The following BRINP3 variants were observed in gnomAD, a reference collection of about 807,000 sequenced individuals.
BRINP3 encodes BMP/retinoic acid inducible neural specific 3, also known as BMP/retinoic acid-inducible neural-specific protein 3.
In BRINP3, 19 loss-of-function variants were observed where a neutral mutation model predicts 71.0. That is an observed-to-expected ratio of 0.27 (90% confidence interval 0.19 to 0.39). The LOEUF is 0.39. Ranked by LOEUF, BRINP3 falls within the 10% of genes least tolerant of loss-of-function variation. The pLI, the probability that BRINP3 is intolerant of heterozygous loss-of-function variation, is 1.00. For synonymous variants in BRINP3, 380 were observed against 337.7 expected, an observed-to-expected ratio of 1.13 and a Z score of -1.37; for missense variants, 959 against 940.8, an observed-to-expected ratio of 1.02 and a Z score of -0.25.
At chr1:190,180,503 A>G (rs1042712902) in intron 6 of BRINP3, among the ~76,000 whole-genome samples, 2 of 152,124 alleles carry the variant, frequency 1.3e-5, no homozygotes, top group African/African-American at 4.8e-5. Flanking sequence ...TGTAGATATA[A>G]TACTTATGAT....
chr1:190,327,081 C>A (rs1455982170), intron 2 of BRINP3, among the ~76,000 whole-genome samples: 66 of 150,410 alleles, frequency 4.4e-4, no homozygotes, highest in Non-Finnish European at 6.9e-4. Flanking sequence ...TTTGGGAGGC[C>A]AAGGCGGGTG....
Position 190,427,788 on chromosome 1 carries a change from A to G in BRINP3, c.236+26867T>C, listed in dbSNP as rs1673817017. ...AGGTACAGGTGCCAGTTTCTTACAC[A>G]GGTAAACTTGTGTCATGGGGATTTG... is the stretch of plus-strand genomic sequence containing the variant. On this transcript the variant is annotated intron_variant, in intron 2 of 7. Coordinates refer to ENST00000367462, the MANE Select transcript of BRINP3 (RefSeq NM_199051.3). Among the ~76,000 whole-genome samples, 3 of 151,884 alleles carry G rather than the reference A, an allele frequency of 2.0e-5. No individual in the cohort carries two copies. The South Asian group carries it at 6.2e-4, about 32-fold the overall frequency.
chr1:190,359,399 A>G (rs1330969568), intron 2 of BRINP3, among the ~76,000 whole-genome samples: 2 of 152,092 alleles, frequency 1.3e-5, no homozygotes, highest in Non-Finnish European at 2.9e-5. Flanking sequence ...GGGTACTAGT[A>G]AACCTAGAGA....
At chr1:190,149,309 T>C (rs112666850) in intron 7 of BRINP3, among the ~76,000 whole-genome samples, 3 of 152,304 alleles carry the variant, frequency 2.0e-5, no homozygotes, top group African/African-American at 7.2e-5. Flanking sequence ...TAGATAGGTA[T>C]TTCACTTACA....
chr1:190,362,640 G>A (rs562379326), intron 2 of BRINP3, among the ~76,000 whole-genome samples: 1 of 152,258 alleles, frequency 6.6e-6, no homozygotes, highest in East Asian at 1.9e-4. Context: ...GAGGAACCCG[G>A]TGGGAGATAA....
intron 2 of BRINP3, among the ~76,000 whole-genome samples, chr1:190,343,262 A>C (rs2103118815): frequency 6.6e-6 from 1 of 151,974 alleles, no homozygotes; most frequent in South Asian, 2.1e-4. Context: ...GTAAATATTT[A>C]AAATTCTGTG....
chr1:190,445,104 T>C (rs1675120720), intron 2 of BRINP3, among the ~76,000 whole-genome samples: 2 of 152,058 alleles, frequency 1.3e-5, no homozygotes, highest in South Asian at 2.1e-4. Flanking sequence ...ATAATTCCTA[T>C]TGAAAATTAT....
At chr1:190,258,705 A>G (rs1216011361) in intron 4 of BRINP3, among the ~76,000 whole-genome samples, 1 of 152,224 alleles carries the variant, frequency 6.6e-6, no homozygotes, top group Non-Finnish European at 1.5e-5. Context: ...AGGAAGACAG[A>G]GACTTTCTTA....
At chr1:190,427,980 T>C (rs1173301835) in intron 2 of BRINP3, among the ~76,000 whole-genome samples, 3 of 151,832 alleles carry the variant, frequency 2.0e-5, no homozygotes, top group Non-Finnish European at 4.4e-5. Flanking sequence ...CAGTTATAAG[T>C]GAGAATATGT....
chr1:190,393,043 A>G (rs1199903457), intron 2 of BRINP3, among the ~76,000 whole-genome samples: 1 of 151,614 alleles, frequency 6.6e-6, no homozygotes, highest in African/African-American at 2.4e-5. Flanking sequence ...ACCCATGAAT[A>G]TCTAGAACCA....
intron 5 of BRINP3, 125 bp downstream of exon 5, chr1:190,234,247 C>T (rs1658298802): frequency 2.0e-6 from 1 of 492,990 alleles, no homozygotes. Flanking sequence ...ATGAAATTAG[C>T]CTTTAATGAG....
intron 7 of BRINP3, among the ~76,000 whole-genome samples, chr1:190,103,997 T>A (rs896555871): frequency 6.6e-6 from 1 of 151,940 alleles, no homozygotes; most frequent in African/African-American, 2.4e-5. Context: ...CTTATCAATT[T>A]TAATGACTTA....
At chr1:190,174,487 A>G (rs1222750663) in intron 6 of BRINP3, among the ~76,000 whole-genome samples, 1 of 152,142 alleles carries the variant, frequency 6.6e-6, no homozygotes, top group Non-Finnish European at 1.5e-5. Flanking sequence ...TATGATATAT[A>G]TATGAGATAT....
At chr1:190,413,922 C>T (rs1044617439) in intron 2 of BRINP3, among the ~76,000 whole-genome samples, 5 of 151,984 alleles carry the variant, frequency 3.3e-5, no homozygotes, top group Non-Finnish European at 7.4e-5. Context: ...ACAGGAATTA[C>T]ACATAAATAT....
chr1:190,188,326 A>G (rs1653722664), intron 6 of BRINP3, among the ~76,000 whole-genome samples: 1 of 152,172 alleles, frequency 6.6e-6, no homozygotes, highest in East Asian at 1.9e-4. Context: ...ACAATTTCAC[A>G]TATTCCTTTA....
chr1:190,111,070 C>A (rs989049595), intron 7 of BRINP3, among the ~76,000 whole-genome samples: 1 of 150,300 alleles, frequency 6.7e-6, no homozygotes, highest in Non-Finnish European at 1.5e-5. Context: ...CCCAGCTACT[C>A]AGGAGGCTGA....
At chr1:190,234,597 G>A (rs953319676) in intron 4 of BRINP3, 120 bp from the exon 5 acceptor site, 12 of 664,118 alleles carry the variant, frequency 1.8e-5, no homozygotes, top group Non-Finnish European at 2.9e-5. Flanking sequence ...GAAAGGTCCA[G>A]GATCTCATAC....
At chr1:190,120,643 A>G (rs2102315609) in intron 7 of BRINP3, among the ~76,000 whole-genome samples, 1 of 149,278 alleles carries the variant, frequency 6.7e-6, no homozygotes, top group Middle Eastern at 3.5e-3. Context: ...TACAGGCACC[A>G]GCCACCACGC....
chr1:190,133,773 T>C (rs973844428), intron 7 of BRINP3, among the ~76,000 whole-genome samples: 1 of 152,008 alleles, frequency 6.6e-6, no homozygotes, highest in Non-Finnish European at 1.5e-5. Flanking sequence ...ATACGGTGGG[T>C]ATGTCTTTTG....
Sources: allele counts gnomAD v4.1 joint callset (sites outside exome capture counted in the v4.1 genomes callset), GRCh38; gene constraint gnomAD v4.1.1; transcripts MANE v1.5; gene names NCBI Gene and HGNC (gene_info 2026-07-23, HGNC 2026-07-21).